Variants in CDH4 observed in about 807,000 individuals in gnomAD.
CDH4 encodes cadherin-4.
In CDH4, 33 loss-of-function variants were observed where a neutral mutation model predicts 86.0. The ratio of observed to expected loss-of-function variants is 0.38; its 90% CI spans 0.29 to 0.51. The LOEUF (loss-of-function observed/expected upper bound fraction) is 0.51. Ranked by LOEUF, CDH4 falls within the 20% of genes least tolerant of loss-of-function variation. CDH4 has a pLI of 0.86. For synonymous variants in CDH4, 555 were observed against 549.4 expected, an observed-to-expected ratio of 1.01 and a Z score of -0.14; for missense variants, 1,114 against 1,307.4, an observed-to-expected ratio of 0.85 and a Z score of 2.28.
At chr20:61,878,966 TG>T (rs1295583686) in intron 7 of CDH4, among the ~76,000 whole-genome samples, 1 of 152,222 alleles carries the variant, frequency 6.6e-6, no homozygotes, top group Non-Finnish European at 1.5e-5. Context: ...GCCCACCTCC[TG>T]GGGAAATTGA....
rs2085153470 is a variant in CDH4 at position 61,417,525 on chromosome 20, A to G, written c.169+162588A>G. On this transcript the variant is annotated intron_variant, in intron 2 of 15. Transcript: ENST00000614565. This position sits in a 1 kb window ranked among gnomAD's most constrained non-coding sequence, Gnocchi z 4.0. Reference sequence around the variant, plus strand: ...GAGTTGGGAATCGGGCCATCGGAACATCTCCCCTTCTGGGTTGATTACTGT... The same window carrying G: ...GAGTTGGGAATCGGGCCATCGGAACGTCTCCCCTTCTGGGTTGATTACTGT... Among the ~76,000 whole-genome samples, 2 of 152,126 alleles carry G rather than the reference A, an allele frequency of 1.3e-5. No homozygotes were observed. Among genetic ancestry groups the G allele is most frequent in the South Asian group, 4.1e-4 (2 of 4,822 alleles).
chr20:61,895,035 T>C lies in CDH4; in HGVS notation c.1176T>C (p.Phe392=). ...ATGTGAATGACAACCCGCCAGAATTTACCGCCAGCACGGTGAGTCCCTCGA... is the reference window on the plus strand; with the variant it reads ...ATGTGAATGACAACCCGCCAGAATTCACCGCCAGCACGGTGAGTCCCTCGA... ...VTDVNDNPPE[F]TASTFAGEVP... Residue 392 remains phenylalanine (F), a synonymous_variant, in exon 8 of 16, where the codon TTT becomes TTC. Transcript: ENST00000614565. The C allele has an allele frequency of 1.2e-6, 2 of 1,613,772 alleles. No homozygotes were observed. The highest frequency in any genetic ancestry group is 2.7e-5 in the African/African-American group (2 of 75,070).
intron 2 of CDH4, among the ~76,000 whole-genome samples, chr20:61,286,389 C>T (rs1206714746): frequency 6.6e-6 from 1 of 152,208 alleles, no homozygotes; most frequent in Non-Finnish European, 1.5e-5. Context: ...CTCACTTGTC[C>T]AGCTGTTTCA....
chr20:61,810,331 A>C lies in CDH4; in HGVS notation c.577-34337A>C, dbSNP rs1201205836. Among the ~76,000 whole-genome samples, 1 of 152,138 alleles carries C rather than the reference A, an allele frequency of 6.6e-6. No homozygotes were observed. Among genetic ancestry groups the C allele is most frequent in the Admixed American group, 6.5e-5 (1 of 15,278 alleles). On this transcript the variant is annotated intron_variant, in intron 4 of 15. Transcript: ENST00000614565. The surrounding 1 kb of genome is among the most constrained non-coding windows in gnomAD (Gnocchi z 4.3). ...GTGCCAGGCTGTCGTCCCCCCCATG[A>C]GCCTGCTGTGTGTGTCTGTGACAGA...
intron 2 of CDH4, among the ~76,000 whole-genome samples, chr20:61,539,178 A>C (rs568059971): frequency 6.6e-6 from 1 of 152,308 alleles, no homozygotes; most frequent in South Asian, 2.1e-4. Context: ...AGGAGTGCAC[A>C]GCTGCCTCTG....
At chr20:61,452,675 G>A (rs2145548335) in intron 2 of CDH4, among the ~76,000 whole-genome samples, 1 of 152,324 alleles carries the variant, frequency 6.6e-6, no homozygotes, top group Non-Finnish European at 1.5e-5. Flanking sequence ...GTAAGGCAGG[G>A]AAAGCAAGAG....
chr20:61,446,706 G>T (rs1321252953), intron 2 of CDH4, among the ~76,000 whole-genome samples: 1 of 152,158 alleles, frequency 6.6e-6, no homozygotes, highest in African/African-American at 2.4e-5. Flanking sequence ...CGCATGTGTT[G>T]CTGGTCTGCC....
At chr20:61,288,025 C>T (rs925809249) in intron 2 of CDH4, among the ~76,000 whole-genome samples, 4 of 152,164 alleles carry the variant, frequency 2.6e-5, no homozygotes, top group African/African-American at 9.7e-5. Context: ...CGAAAGGAAA[C>T]GACAGCCAAC....
Position 61,663,977 on chromosome 20 carries a change from C to T in CDH4, c.170-79586C>T, listed in dbSNP as rs991199846. 6.6e-6 allele frequency among the ~76,000 whole-genome samples: 1 copy of T among 152,146 alleles called. No homozygotes were observed. Among genetic ancestry groups the T allele is most frequent in the Non-Finnish European group, 1.5e-5 (1 of 68,026 alleles). ...CCACGTTGAGGTGTCTGTGTGCCAC[C>T]GGGACCCTTCCGTAGACATGCACCA... On this transcript the variant is annotated intron_variant, in intron 2 of 15. Coordinates refer to ENST00000614565, the MANE Select transcript of CDH4 (RefSeq NM_001794.5). The surrounding 1 kb of genome is among the most constrained non-coding windows in gnomAD (Gnocchi z 5.0).
intron 2 of CDH4, among the ~76,000 whole-genome samples, chr20:61,343,075 A>G (rs1353227412): frequency 6.6e-6 from 1 of 152,140 alleles, no homozygotes; most frequent in Non-Finnish European, 1.5e-5. Flanking sequence ...GGACACACTG[A>G]TGAGTTCTTA....
intron 2 of CDH4, chr20:61,434,790 A>G (rs987330901): frequency 6.6e-6 from 1 of 152,104 alleles, no homozygotes; most frequent in Non-Finnish European, 1.5e-5. Context: ...TGCAGCTGCT[A>G]ACCCCTGCGC....
chr20:61,373,453 T>C (rs571732421), intron 2 of CDH4, among the ~76,000 whole-genome samples: 1 of 152,356 alleles, frequency 6.6e-6, no homozygotes, highest in South Asian at 2.1e-4. Context: ...GCAATGATAT[T>C]CTTTGTTCTT....
At chr20:61,352,929 A>G (rs948359889) in intron 2 of CDH4, among the ~76,000 whole-genome samples, 2 of 152,134 alleles carry the variant, frequency 1.3e-5, no homozygotes, top group African/African-American at 2.4e-5. Flanking sequence ...AGGAGGTTCC[A>G]GGACCCAGGA....
intron 2 of CDH4, among the ~76,000 whole-genome samples, chr20:61,314,685 A>G (rs898023631): frequency 5.3e-5 from 8 of 152,106 alleles, no homozygotes; most frequent in Non-Finnish European, 1.2e-4. Context: ...TAATGTTCTG[A>G]GGAACCTCCA....
In CDH4 at chr20:61,939,960, CAG is replaced by C; in HGVS notation, c.*3021_*3022del. ...GAGCAATGTCCAACTGTCAGGCTCT[CAG>C]AGATGCCTCAGTTTCCCTAGCATGA... On this transcript the variant is annotated 3_prime_UTR_variant, in exon 16 of 16. Coordinates refer to ENST00000614565, the MANE Select transcript of CDH4 (RefSeq NM_001794.5). The C allele has an allele frequency of 6.6e-6, 1 of 152,362 alleles. No homozygotes were observed. The highest frequency in any genetic ancestry group is 3.4e-3 in the Middle Eastern group (1 of 294). 9.4% of individuals were successfully genotyped at this position (152,362 alleles called of 1,614,324 possible).
intron 4 of CDH4, among the ~76,000 whole-genome samples, chr20:61,804,777 T>C (rs781298910): frequency 1.3e-5 from 2 of 152,158 alleles, no homozygotes; most frequent in Admixed American, 6.5e-5. Context: ...GAAGAAGAGA[T>C]GGCTCAGAGG....
At chr20:61,307,527 G>T (rs990335949) in intron 2 of CDH4, among the ~76,000 whole-genome samples, 7 of 152,238 alleles carry the variant, frequency 4.6e-5, no homozygotes, top group South Asian at 2.1e-4. Flanking sequence ...CTATTAAAAT[G>T]AGGAAAAGGT....
At chr20:61,281,335 C>G (rs901247534) in intron 2 of CDH4, among the ~76,000 whole-genome samples, 4 of 152,182 alleles carry the variant, frequency 2.6e-5, no homozygotes, top group Non-Finnish European at 5.9e-5. Context: ...GATGAATGCC[C>G]TTACAAAAGG....
chr20:61,394,844 GT>G (rs1336299406), intron 2 of CDH4, among the ~76,000 whole-genome samples: 2 of 139,918 alleles, frequency 1.4e-5, no homozygotes, highest in Non-Finnish European at 3.1e-5. Flanking sequence ...GGCACCTGTC[GT>G]TTGGAAGCAG....
Sources: gnomAD v4.1 joint callset for allele counts (sites outside exome capture counted in the v4.1 genomes callset) on GRCh38, gnomAD v4.1.1 for gene constraint, Gnocchi (gnomAD v3.1) non-coding constraint, MANE v1.5 for transcripts, NCBI Gene and HGNC (gene_info 2026-07-23, HGNC 2026-07-21) for gene names.